HCRTR2: variants seen among roughly 807,000 people sequenced by gnomAD.
HCRTR2 encodes the protein hypocretin receptor 2.
Under a neutral mutation model 49.0 loss-of-function variants are expected in HCRTR2, and 22 were observed. The observed-to-expected ratio is 0.45, with a 90% CI of 0.32 to 0.64. The LOEUF (loss-of-function observed/expected upper bound fraction) is 0.64, where lower values mean the gene tolerates loss of function less well. HCRTR2 is among the 30% of genes least tolerant of loss of function. The probability of loss-of-function intolerance (pLI) is 0.04; values close to 1 mark genes in which losing one functional copy is unlikely to be tolerated. For synonymous variants in HCRTR2, 236 were observed against 205.3 expected, an observed-to-expected ratio of 1.15 and a Z score of -1.28; for missense variants, 491 against 559.4, an observed-to-expected ratio of 0.88 and a Z score of 1.23.
At chr6:55,137,146 A>C (rs1764444742) in intron 1 of HCRTR2, among the ~76,000 whole-genome samples, 1 of 151,932 alleles carries the variant, frequency 6.6e-6, no homozygotes. Context: ...AGCATTAAAA[A>C]CCCTTATGAA....
intron 1 of HCRTR2, among the ~76,000 whole-genome samples, chr6:55,175,369 A>G (rs538087319): frequency 1.3e-5 from 2 of 152,248 alleles, no homozygotes; most frequent in African/African-American, 4.8e-5. Context: ...AGACGGAGGC[A>G]AAGCAGGGAA....
intron 1 of HCRTR2, among the ~76,000 whole-genome samples, chr6:55,161,026 A>G (rs534537620): frequency 6.6e-6 from 1 of 152,312 alleles, no homozygotes; most frequent in Admixed American, 6.5e-5. Flanking sequence ...TAAATAGAAT[A>G]TACATTATTC....
intron 1 of HCRTR2, among the ~76,000 whole-genome samples, chr6:55,220,482 C>A (rs1454642960): frequency 6.6e-6 from 1 of 152,064 alleles, no homozygotes; most frequent in Admixed American, 6.6e-5. Context: ...AAATGCTGAA[C>A]AATCATTTGA....
chr6:55,125,821 C>CT (rs56125210), intron 1 of HCRTR2, among the ~76,000 whole-genome samples: 25 of 151,510 alleles, frequency 1.7e-4, no homozygotes, highest in Non-Finnish European at 2.8e-4. Context: ...GCTTTTTATT[C>CT]TTTTTTTTTC....
upstream of HCRTR2, among the ~76,000 whole-genome samples, chr6:55,170,267 T>C (rs1013588987): frequency 6.7e-6 from 1 of 148,682 alleles, no homozygotes; most frequent in African/African-American, 2.4e-5. Flanking sequence ...TATAAATATA[T>C]TGTATTTATT....
chr6:55,138,165 A>G (rs1764457344), intron 1 of HCRTR2, among the ~76,000 whole-genome samples: 1 of 152,248 alleles, frequency 6.6e-6, no homozygotes, highest in African/African-American at 2.4e-5. Context: ...ATAAATTAAA[A>G]AAAAGAAGCT....
intron 1 of HCRTR2, among the ~76,000 whole-genome samples, chr6:55,166,494 ACG>A (rs1764879850): frequency 6.6e-6 from 1 of 151,974 alleles, no homozygotes; most frequent in African/African-American, 2.4e-5. Flanking sequence ...AACACACACA[ACG>A]CACACACAAA....
intron 6 of HCRTR2, among the ~76,000 whole-genome samples, chr6:55,281,312 T>A (rs1383758193): frequency 6.6e-6 from 1 of 151,658 alleles, no homozygotes; most frequent in East Asian, 1.9e-4. Context: ...TTGTTCTATT[T>A]AAAAAAAAAT....
chr6:55,199,503 C>G (rs1765473145), intron 1 of HCRTR2, among the ~76,000 whole-genome samples: 1 of 152,082 alleles, frequency 6.6e-6, no homozygotes, highest in Non-Finnish European at 1.5e-5. Flanking sequence ...TATCTCCTTT[C>G]TTCTCCTAAT....
chr6:55,189,201 T>C (rs538547152), intron 1 of HCRTR2, among the ~76,000 whole-genome samples: 1 of 152,284 alleles, frequency 6.6e-6, no homozygotes, highest in South Asian at 2.1e-4. Context: ...TTGCAATCTC[T>C]GGAGTGATTT....
At chr6:55,134,167 G>T (rs1764401940) in intron 1 of HCRTR2, among the ~76,000 whole-genome samples, 1 of 151,782 alleles carries the variant, frequency 6.6e-6, no homozygotes, top group African/African-American at 2.4e-5. Context: ...AATTTCATAA[G>T]TTGGGTGATA....
chr6:55,158,162 C>G (rs754056249), intron 1 of HCRTR2, among the ~76,000 whole-genome samples: 3 of 152,102 alleles, frequency 2.0e-5, no homozygotes, highest in Non-Finnish European at 4.4e-5. Flanking sequence ...GAGGGTGAGC[C>G]AAAGCTGGAT....
chr6:55,218,563 A>G (rs1478455108), intron 1 of HCRTR2, among the ~76,000 whole-genome samples: 1 of 152,228 alleles, frequency 6.6e-6, no homozygotes. Flanking sequence ...AAAAGGATGG[A>G]AGAAAGTATT....
intron 1 of HCRTR2, among the ~76,000 whole-genome samples, chr6:55,136,501 C>T (rs762768125): frequency 6.6e-6 from 1 of 152,098 alleles, no homozygotes; most frequent in African/African-American, 2.4e-5. Flanking sequence ...AAATATGTCA[C>T]CACATTTATG....
At chr6:55,234,789 G>T (rs1427935660) in intron 1 of HCRTR2, among the ~76,000 whole-genome samples, 2 of 152,130 alleles carry the variant, frequency 1.3e-5, no homozygotes, top group East Asian at 3.9e-4. Context: ...CTTAACGGCA[G>T]TTATGTAGTA....
intron 1 of HCRTR2, among the ~76,000 whole-genome samples, chr6:55,218,926 T>C (rs1462909863): frequency 6.6e-6 from 1 of 152,160 alleles, no homozygotes; most frequent in African/African-American, 2.4e-5. Flanking sequence ...CAGACTCAAG[T>C]GATTCTCCCA....
intron 1 of HCRTR2, among the ~76,000 whole-genome samples, chr6:55,178,929 T>C (rs1765085747): frequency 6.6e-6 from 1 of 152,252 alleles, no homozygotes; most frequent in Non-Finnish European, 1.5e-5. Context: ...CTATCACTAC[T>C]AGTGTTTTAA....
intron 3 of HCRTR2, among the ~76,000 whole-genome samples, chr6:55,262,047 G>C (rs1766767122): frequency 6.6e-6 from 1 of 151,906 alleles, no homozygotes; most frequent in Non-Finnish European, 1.5e-5. Context: ...AACAACATAT[G>C]TTCTCACTCA....
intron 1 of HCRTR2, among the ~76,000 whole-genome samples, chr6:55,142,353 C>T (rs1027131781): frequency 6.0e-5 from 8 of 134,382 alleles, no homozygotes; most frequent in South Asian, 2.7e-4. Flanking sequence ...CCCGCCACCA[C>T]GCCCTGTTAA....
Sources: gnomAD v4.1 joint callset for allele counts (sites outside exome capture counted in the v4.1 genomes callset) on GRCh38, gnomAD v4.1.1 for gene constraint, MANE v1.5 for transcripts, NCBI Gene and HGNC (gene_info 2026-07-23, HGNC 2026-07-21) for gene names.